Variants in RGPD2 observed in about 807,000 individuals in gnomAD.
RGPD2 encodes RANBP2 like and GRIP domain containing 2.
RGPD2 carries 2 observed loss-of-function variants against 36.0 expected under a neutral mutation model. That is an observed-to-expected ratio of 0.06 (90% confidence interval 0.02 to 0.17). The LOEUF (loss-of-function observed/expected upper bound fraction) is 0.17, where lower values mean the gene tolerates loss of function less well. Ranked by LOEUF, RGPD2 falls within the 10% of genes least tolerant of loss-of-function variation. The pLI, the probability that RGPD2 is intolerant of heterozygous loss-of-function variation, is 1.00. For missense variants in RGPD2, 40 were observed against 464.3 expected, an observed-to-expected ratio of 0.09 and a Z score of 8.40; for synonymous variants, 19 against 163.8, an observed-to-expected ratio of 0.12 and a Z score of 6.75.
chr2:87,853,757 C>T, the RGPD2 span, among the ~76,000 whole-genome samples: 6 of 151,672 alleles, frequency 4.0e-5, no homozygotes, highest in Non-Finnish European at 4.4e-5. Flanking sequence ...ATGTATTTCT[C>T]CTAGTGTAAA....
upstream of RGPD2, among the ~76,000 whole-genome samples, chr2:87,829,583 G>T (rs1263328481): frequency 1.3e-5 from 2 of 151,094 alleles, no homozygotes; most frequent in Admixed American, 6.6e-5. Context: ...GAAAAGAGGA[G>T]CAAAGGCAAG....
chr2:87,923,124 C>T, the RGPD2 span, among the ~76,000 whole-genome samples: 1 of 151,792 alleles, frequency 6.6e-6, no homozygotes, highest in Non-Finnish European at 1.5e-5. Flanking sequence ...ATTGCATATC[C>T]TCTGCTTCCT....
At chr2:87,875,126 C>A in the RGPD2 span, among the ~76,000 whole-genome samples, 15 of 152,120 alleles carry the variant, frequency 9.9e-5, no homozygotes, top group African/African-American at 3.4e-4. Context: ...ATAAGGTTTT[C>A]TAGATGTAGG....
the RGPD2 span, among the ~76,000 whole-genome samples, chr2:87,831,353 A>T: frequency 6.6e-6 from 1 of 152,180 alleles, no homozygotes; most frequent in Non-Finnish European, 1.5e-5. Flanking sequence ...ATGTTGTTAG[A>T]GGTACAGAAA....
the RGPD2 span, among the ~76,000 whole-genome samples, chr2:87,915,138 A>C: frequency 6.6e-6 from 1 of 151,654 alleles, no homozygotes; most frequent in African/African-American, 2.4e-5. Context: ...CAAGAGCAAA[A>C]CTCCGTCTCA....
the RGPD2 span, among the ~76,000 whole-genome samples, chr2:87,840,551 A>G: frequency 1.3e-5 from 2 of 152,122 alleles, no homozygotes; most frequent in Non-Finnish European, 2.9e-5. Context: ...AAAAAAATTT[A>G]AAAAGAAGTT....
chr2:87,871,769 G>A, the RGPD2 span, among the ~76,000 whole-genome samples: 1 of 151,150 alleles, frequency 6.6e-6, no homozygotes, highest in East Asian at 1.9e-4. Context: ...GGAGGCTGAG[G>A]CAGGAGAATC....
chr2:87,972,714 C>T, the RGPD2 span: 924,961 of 1,530,634 alleles, frequency 0.6, 261,898 homozygotes, highest in East Asian at 0.71. Context: ...CTTCGGGCGC[C>T]GCAACAGCAG....
At chr2:87,827,037 T>C (rs898324822), upstream of RGPD2, among the ~76,000 whole-genome samples, 1 of 149,208 alleles carries the variant, frequency 6.7e-6, no homozygotes, top group South Asian at 2.2e-4. Flanking sequence ...CTCTTCCTAC[T>C]AGAATGCCAA....
the RGPD2 span, among the ~76,000 whole-genome samples, chr2:87,937,069 A>G: frequency 6.6e-6 from 1 of 151,880 alleles, no homozygotes; most frequent in African/African-American, 2.4e-5. Flanking sequence ...GGAGAAAACA[A>G]ATATAAAATA....
chr2:87,879,098 T>C, the RGPD2 span, among the ~76,000 whole-genome samples: 1 of 152,200 alleles, frequency 6.6e-6, no homozygotes, highest in Non-Finnish European at 1.5e-5. Context: ...ATATACATAG[T>C]AGTGGAATTT....
At chr2:87,885,023 A>T in the RGPD2 span, among the ~76,000 whole-genome samples, 6 of 152,150 alleles carry the variant, frequency 3.9e-5, no homozygotes, top group Non-Finnish European at 5.9e-5. Flanking sequence ...TGATAAACAT[A>T]GATGCAAAAA....
At chr2:87,956,455 G>A in the RGPD2 span, among the ~76,000 whole-genome samples, 2 of 146,942 alleles carry the variant, frequency 1.4e-5, no homozygotes, top group Non-Finnish European at 1.5e-5. Context: ...CTACATTTAA[G>A]TCTCAGGAAA....
the RGPD2 span, among the ~76,000 whole-genome samples, chr2:87,839,245 A>G: frequency 6.6e-6 from 1 of 152,228 alleles, no homozygotes; most frequent in African/African-American, 2.4e-5. Context: ...AAAAGAAGAC[A>G]TATATGTGGC....
upstream of RGPD2, among the ~76,000 whole-genome samples, chr2:87,829,670 T>C (rs1574037036): frequency 6.6e-6 from 1 of 152,100 alleles, no homozygotes; most frequent in African/African-American, 2.4e-5. Flanking sequence ...ATGAGACTTA[T>C]TCACTATTGT....
the RGPD2 span, among the ~76,000 whole-genome samples, chr2:87,933,437 T>C: frequency 7.5e-6 from 1 of 133,738 alleles, no homozygotes; most frequent in Non-Finnish European, 1.6e-5. Context: ...AGGTGGAATA[T>C]GCAATATAAA....
chr2:87,989,417 G>A, the RGPD2 span, among the ~76,000 whole-genome samples: 7 of 152,062 alleles, frequency 4.6e-5, no homozygotes, highest in South Asian at 1.2e-3. Context: ...TCATCAAAAG[G>A]ACATTTAGTT....
chr2:87,827,257 C>A (rs1215195167), upstream of RGPD2, among the ~76,000 whole-genome samples: 2 of 152,246 alleles, frequency 1.3e-5, no homozygotes, highest in African/African-American at 4.8e-5. Context: ...TTATATTCCT[C>A]TACCCCTTGA....
the RGPD2 span, among the ~76,000 whole-genome samples, chr2:87,921,181 A>G: frequency 6.6e-6 from 1 of 151,928 alleles, no homozygotes; most frequent in Non-Finnish European, 1.5e-5. Flanking sequence ...TGCTATTATC[A>G]GTGCCTGTTA....
Sources: gnomAD v4.1 joint callset for allele counts (sites outside exome capture counted in the v4.1 genomes callset) on GRCh38, gnomAD v4.1.1 for gene constraint, MANE v1.5 for transcripts, NCBI Gene and HGNC (gene_info 2026-07-23, HGNC 2026-07-21) for gene names.